The following GALNT13 variants were observed in gnomAD, a reference collection of about 807,000 sequenced individuals.
The protein encoded by GALNT13 is polypeptide N-acetylgalactosaminyltransferase 13, also known as UDP-GalNAc:polypeptide N-acetylgalactosaminyltransferase 13.
GALNT13 carries 28 observed loss-of-function variants against 64.2 expected under a neutral mutation model. The ratio of observed to expected loss-of-function variants is 0.44; its 90% CI spans 0.32 to 0.60. GALNT13 has a LOEUF of 0.60. GALNT13 is among the 20% of genes least tolerant of loss of function. GALNT13 has a pLI of 0.05. For synonymous variants in GALNT13, 214 were observed against 224.6 expected (o/e 0.95, Z 0.42); for missense variants, 577 against 669.8 (o/e 0.86, Z 1.53).
intron 8 of GALNT13, among the ~76,000 whole-genome samples, chr2:154,289,798 T>C (rs149786571): frequency 6.6e-6 from 1 of 152,318 alleles, no homozygotes; most frequent in Non-Finnish European, 1.5e-5. Flanking sequence ...GTTAGAGGTG[T>C]GTTCCAGTTT....
the GALNT13 span, among the ~76,000 whole-genome samples, chr2:153,669,961 GGA>G: frequency 2.1e-5 from 3 of 144,254 alleles, no homozygotes; most frequent in Admixed American, 2.1e-4. Flanking sequence ...TGGAACTTGG[GGA>G]GGGGGGAGGG....
At chr2:153,318,555 T>C in the GALNT13 span, among the ~76,000 whole-genome samples, 1 of 152,166 alleles carries the variant, frequency 6.6e-6, no homozygotes, top group Non-Finnish European at 1.5e-5. Context: ...AGATGCAGCA[T>C]AGAGGAAGTG....
intron 4 of GALNT13, among the ~76,000 whole-genome samples, chr2:154,150,988 C>T (rs1181396392): frequency 6.6e-6 from 1 of 151,946 alleles, no homozygotes; most frequent in Admixed American, 6.6e-5. Context: ...AATGTGTTTG[C>T]CCTTGCTTTT....
chr2:154,028,653 GAC>G (rs1433013732), intron 3 of GALNT13, among the ~76,000 whole-genome samples: 1 of 151,992 alleles, frequency 6.6e-6, no homozygotes, highest in Non-Finnish European at 1.5e-5. Context: ...TGTTTAACTT[GAC>G]TCACATTTTT....
chr2:153,785,227 A>G, the GALNT13 span, among the ~76,000 whole-genome samples: 9 of 152,304 alleles, frequency 5.9e-5, no homozygotes, highest in East Asian at 1.7e-3. Context: ...CTCTCTAAAA[A>G]GTGACCAGAC....
the GALNT13 span, among the ~76,000 whole-genome samples, chr2:153,341,574 C>T: frequency 2.0e-5 from 3 of 152,140 alleles, no homozygotes; most frequent in Admixed American, 1.3e-4. Context: ...GTGCATAAGC[C>T]GTTCTCAGGG....
chr2:154,301,395 G>T lies in GALNT13; in HGVS notation c.976-14G>T. ...TATTATTGCATTATTTACAATGATT[G>T]TTCCTTTTCCCAGATTTGGCAATGT... On this transcript the variant is annotated splice_polypyrimidine_tract_variant and intron_variant, in intron 8 of 12. Coordinates refer to ENST00000392825, the MANE Select transcript of GALNT13 (RefSeq NM_052917.4). The T allele has an allele frequency of 6.2e-7, 1 of 1,605,590 alleles. No individual in the cohort carries two copies. The highest frequency in any genetic ancestry group is 8.5e-7 in the Non-Finnish European group (1 of 1,173,490).
At chr2:153,371,548 C>T in the GALNT13 span, among the ~76,000 whole-genome samples, 2 of 152,008 alleles carry the variant, frequency 1.3e-5, no homozygotes, top group Non-Finnish European at 2.9e-5. Flanking sequence ...AAAAACAGTG[C>T]CATTTATGAT....
intron 3 of GALNT13, among the ~76,000 whole-genome samples, chr2:154,121,490 T>C (rs1297740808): frequency 6.6e-6 from 1 of 152,162 alleles, no homozygotes; most frequent in African/African-American, 2.4e-5. Flanking sequence ...GTTTGATTTG[T>C]TTTATCTGAA....
At chr2:154,063,010 CTTTT>C (rs1256291921) in intron 3 of GALNT13, among the ~76,000 whole-genome samples, 1 of 151,850 alleles carries the variant, frequency 6.6e-6, no homozygotes, top group African/African-American at 2.4e-5. Context: ...CAAGAGTATT[CTTTT>C]TTGTTATTGT....
the GALNT13 span, among the ~76,000 whole-genome samples, chr2:153,555,194 T>TAAATAAAAATAAAAA: frequency 7.7e-6 from 1 of 130,536 alleles, no homozygotes; most frequent in Non-Finnish European, 1.7e-5. Context: ...GCTTTACTTT[T>TAAATAAAAATAAAAA]TTTTTTTTTT....
chr2:154,279,336 A>G (rs1205443869), intron 8 of GALNT13, among the ~76,000 whole-genome samples: 1 of 152,156 alleles, frequency 6.6e-6, no homozygotes, highest in Non-Finnish European at 1.5e-5. Flanking sequence ...TTCAGAGAAG[A>G]GGATTGACTT....
At chr2:154,357,115 A>G (rs918912974) in intron 9 of GALNT13, among the ~76,000 whole-genome samples, 22 of 151,968 alleles carry the variant, frequency 1.4e-4, no homozygotes, top group African/African-American at 4.8e-4. Context: ...CCTGCTTGCA[A>G]TATAGTTTTG....
chr2:153,853,006 A>C, the GALNT13 span, among the ~76,000 whole-genome samples: 1 of 152,172 alleles, frequency 6.6e-6, no homozygotes, highest in Non-Finnish European at 1.5e-5. Flanking sequence ...CCTCAAAAGT[A>C]GGGAAGCCAG....
chr2:153,292,942 C>G, the GALNT13 span, among the ~76,000 whole-genome samples: 2 of 151,992 alleles, frequency 1.3e-5, no homozygotes, highest in African/African-American at 4.8e-5. Flanking sequence ...TATTGTGTTG[C>G]AGAGCCTAGG....
chr2:153,793,627 T>C, the GALNT13 span, among the ~76,000 whole-genome samples: 5 of 147,854 alleles, frequency 3.4e-5, no homozygotes, highest in African/African-American at 1.3e-4. Context: ...TCTTCTAAAG[T>C]TAGACAACAG....
the GALNT13 span, among the ~76,000 whole-genome samples, chr2:153,748,987 T>C: frequency 8.5e-5 from 13 of 152,066 alleles, no homozygotes; most frequent in Admixed American, 2.6e-4. Flanking sequence ...CTGTAATTCA[T>C]TTTGATTTGA....
chr2:153,298,490 T>G, the GALNT13 span, among the ~76,000 whole-genome samples: 1 of 152,192 alleles, frequency 6.6e-6, no homozygotes, highest in Admixed American at 6.5e-5. Context: ...TGATCTCCTA[T>G]GTCAGAGTGA....
At chr2:154,427,968 G>A (rs149709690) in intron 11 of GALNT13, among the ~76,000 whole-genome samples, 2 of 152,262 alleles carry the variant, frequency 1.3e-5, no homozygotes, top group Admixed American at 1.3e-4. Flanking sequence ...ATTGCTAAAG[G>A]TATAATTTTT....
Sources: allele counts gnomAD v4.1 joint callset (sites outside exome capture counted in the v4.1 genomes callset), GRCh38; gene constraint gnomAD v4.1.1; transcripts MANE v1.5; gene names NCBI Gene and HGNC (gene_info 2026-07-23, HGNC 2026-07-21).